The following SYNPR variants were observed in gnomAD, a reference collection of about 807,000 sequenced individuals.
The protein encoded by SYNPR is synaptoporin.
A neutral mutation model predicts 32.9 loss-of-function variants in SYNPR; 23 were observed. The ratio of observed to expected loss-of-function variants is 0.70; its 90% confidence interval spans 0.50 to 0.99. The LOEUF is 0.99. Among genes scored for constraint, SYNPR ranks in the 50% least tolerant of loss-of-function variants. The pLI, the probability that SYNPR is intolerant of heterozygous loss-of-function variation, is 0.00. For missense variants in SYNPR, 318 were observed against 349.3 expected, an observed-to-expected ratio of 0.91 and a Z score of 0.71; for synonymous variants, 146 against 135.9, an observed-to-expected ratio of 1.07 and a Z score of -0.52.
intron 2 of SYNPR, among the ~76,000 whole-genome samples, chr3:63,407,429 T>C (rs1243192484): frequency 6.6e-6 from 1 of 152,220 alleles, no homozygotes; most frequent in Non-Finnish European, 1.5e-5. Context: ...CCAATCCAGA[T>C]TCAAATCATC....
chr3:63,558,604 C>G (rs2106830583), intron 4 of SYNPR, among the ~76,000 whole-genome samples: 1 of 152,174 alleles, frequency 6.6e-6, no homozygotes, highest in South Asian at 2.1e-4. Context: ...TCCCAAAGTG[C>G]TGAGATTACA....
intron 3 of SYNPR, among the ~76,000 whole-genome samples, chr3:63,542,498 A>G (rs544498057): frequency 6.6e-6 from 1 of 152,176 alleles, no homozygotes; most frequent in South Asian, 2.1e-4. Flanking sequence ...ATACTGAGTA[A>G]TCACTCCAGT....
At chr3:63,550,130 C>A (rs1246746523) in intron 3 of SYNPR, 1 of 151,982 alleles carries the variant, frequency 6.6e-6, no homozygotes, top group Non-Finnish European at 1.5e-5. Context: ...AAAGTTATTA[C>A]AGCTACAAAA....
At chr3:63,517,292 C>T (rs58819808) in intron 3 of SYNPR, among the ~76,000 whole-genome samples, 16,132 of 152,106 alleles carry the variant, frequency 0.11, 1,050 homozygotes, top group East Asian at 0.26. Context: ...GATACTAATG[C>T]TTGAGATTCA....
At chr3:63,354,631 A>C (rs2087551063) in intron 2 of SYNPR, among the ~76,000 whole-genome samples, 1 of 152,206 alleles carries the variant, frequency 6.6e-6, no homozygotes, top group Non-Finnish European at 1.5e-5. Context: ...TGAAGTGTGC[A>C]TGTAACAGAG....
At chr3:63,574,117 C>T (rs1383795497) in intron 4 of SYNPR, among the ~76,000 whole-genome samples, 1 of 152,088 alleles carries the variant, frequency 6.6e-6, no homozygotes, top group African/African-American at 2.4e-5. Context: ...TCAGTGTTTA[C>T]TAACAGGAAA....
In SYNPR at chr3:63,406,759, CT is replaced by C. The variant is rs538587735; in HGVS notation, c.85-74071del. On this transcript the variant is annotated intron_variant, in intron 2 of 5. Coordinates refer to ENST00000478300, the MANE Select transcript of SYNPR (RefSeq NM_001130003.2). ...TGGAGTAACAGAAGAAGTCTCTTCT[CT>C]TAACATTGTTGCCTAGTTCCTTGAT... Among the ~76,000 whole-genome samples, 44 of 152,270 alleles carry C rather than the reference CT, an allele frequency of 2.9e-4. 1 individual carries two copies. In the South Asian group the frequency reaches 5.2e-3, roughly 18 times the overall value.
intron 3 of SYNPR, among the ~76,000 whole-genome samples, chr3:63,554,949 C>T (rs1702569811): frequency 6.6e-6 from 1 of 151,888 alleles, no homozygotes; most frequent in South Asian, 2.1e-4. Context: ...AGCTGCATTC[C>T]TAGGTATTTT....
intron 2 of SYNPR, among the ~76,000 whole-genome samples, chr3:63,256,205 A>G (rs984735865): frequency 6.6e-6 from 1 of 152,234 alleles, no homozygotes; most frequent in Non-Finnish European, 1.5e-5. Context: ...CCTGTCTGAC[A>G]GCTTTGAAGA....
chr3:63,436,236 G>T (rs1559498816), intron 2 of SYNPR, among the ~76,000 whole-genome samples: 2 of 151,622 alleles, frequency 1.3e-5, no homozygotes, highest in African/African-American at 2.4e-5. Flanking sequence ...CAATGTGCAG[G>T]TTTGTTACAT....
At chr3:63,268,157 G>A (rs754742827) in intron 3 of SYNPR, among the ~76,000 whole-genome samples, 8 of 152,110 alleles carry the variant, frequency 5.3e-5, no homozygotes, top group African/African-American at 1.2e-4. Flanking sequence ...CCCAAAGACA[G>A]CCTTTATTAA....
At chr3:63,590,872 T>A (rs1378613995) in intron 4 of SYNPR, among the ~76,000 whole-genome samples, 3 of 141,196 alleles carry the variant, frequency 2.1e-5, no homozygotes, top group Non-Finnish European at 4.7e-5. Flanking sequence ...AACCTAGGCA[T>A]TACCATTCAG....
chr3:63,295,039 T>C (rs2106934823), intron 2 of SYNPR, among the ~76,000 whole-genome samples: 1 of 152,294 alleles, frequency 6.6e-6, no homozygotes, highest in Non-Finnish European at 1.5e-5. Flanking sequence ...ACTTTTAGAC[T>C]ATTAATAAAA....
chr3:63,383,584 G>T (rs1163390001), intron 2 of SYNPR, among the ~76,000 whole-genome samples: 1 of 152,068 alleles, frequency 6.6e-6, no homozygotes, highest in Admixed American at 6.6e-5. Context: ...AGGCATGATT[G>T]CAGTGAGCCG....
intron 4 of SYNPR, among the ~76,000 whole-genome samples, chr3:63,564,846 T>G (rs1456120870): frequency 1.3e-5 from 2 of 152,220 alleles, no homozygotes; most frequent in African/African-American, 4.8e-5. Context: ...AAAGATGAGC[T>G]GTAGTTCTGT....
At chr3:63,252,622 G>A (rs2086342057) in intron 2 of SYNPR, 1 of 152,154 alleles carries the variant, frequency 6.6e-6, no homozygotes, top group African/African-American at 2.4e-5. Context: ...GCTGATAACA[G>A]AACAAGGAGG....
chr3:63,471,206 C>A (rs1320789743), intron 2 of SYNPR, among the ~76,000 whole-genome samples: 1 of 152,162 alleles, frequency 6.6e-6, no homozygotes, highest in Non-Finnish European at 1.5e-5. Flanking sequence ...CAGGATGGAC[C>A]ACATTGGGGC....
At chr3:63,363,921 A>G (rs574599722) in intron 2 of SYNPR, among the ~76,000 whole-genome samples, 2 of 152,222 alleles carry the variant, frequency 1.3e-5, no homozygotes, top group Non-Finnish European at 2.9e-5. Flanking sequence ...GTGCATGATA[A>G]TGAGGAAGAA....
rs2086781242 is a variant in SYNPR, at chr3:63,295,081, G to A, written c.84+16339G>A. Among the ~76,000 whole-genome samples, 3 of 151,716 alleles carry A rather than the reference G, an allele frequency of 2.0e-5. No homozygotes were observed. The South Asian group carries it at 6.2e-4, about 31-fold the overall frequency. ...AAATCCAGAAGCTGCCTGATGTCAA[G>A]GGTATTTCCTCTCTTTCTCAGATCA... On this transcript the variant is annotated intron_variant, in intron 2 of 5. Coordinates refer to ENST00000478300, the MANE Select transcript of SYNPR (RefSeq NM_001130003.2).
Sources: gnomAD v4.1 joint callset for allele counts (sites outside exome capture counted in the v4.1 genomes callset) on GRCh38, gnomAD v4.1.1 for gene constraint, MANE v1.5 for transcripts, NCBI Gene and HGNC (gene_info 2026-07-23, HGNC 2026-07-21) for gene names.